Variants in WDPCP observed in about 807,000 individuals in gnomAD.
The protein encoded by WDPCP is WD repeat containing planar cell polarity effector, also known as WD repeat-containing and planar cell polarity effector protein fritz homolog.
A neutral mutation model predicts 93.1 loss-of-function variants in WDPCP; 71 were observed. The observed-to-expected ratio is 0.76, with a 90% CI of 0.63 to 0.93. The LOEUF (loss-of-function observed/expected upper bound fraction) is 0.93. WDPCP is among the 40% of genes least tolerant of loss of function. The pLI is 0.00. For missense variants in WDPCP, 844 were observed against 887.4 expected, an observed-to-expected ratio of 0.95 and a Z score of 0.62; for synonymous variants, 315 against 315.0, an observed-to-expected ratio of 1.00 and a Z score of 0.00.
At chr2:63,772,678 A>T (rs1302475527) in intron 2 of WDPCP, among the ~76,000 whole-genome samples, 3 of 152,100 alleles carry the variant, frequency 2.0e-5, no homozygotes, top group Admixed American at 2.0e-4. Flanking sequence ...AGAATAAAAG[A>T]TATCAACTAT....
At chr2:63,513,671 G>T (rs1012474335) in intron 1 of WDPCP, among the ~76,000 whole-genome samples, 14 of 152,058 alleles carry the variant, frequency 9.2e-5, no homozygotes, top group South Asian at 2.1e-4. Flanking sequence ...TTCCACAGGG[G>T]TCCTGCCCCA....
rs913054038 is a variant in WDPCP, at chr2:63,773,163, A to T, written n.308+40459T>A. Among the ~76,000 whole-genome samples the T allele has an allele frequency of 1.5e-4, 23 of 152,210 alleles. 1 individual carries two copies. Among genetic ancestry groups the T allele is most frequent in the African/African-American group, 5.5e-4 (23 of 41,562 alleles). On this transcript the variant is annotated intron_variant and non_coding_transcript_variant, in intron 2 of 4. Transcript: ENST00000467687. ...GACATTTACAGCAGCATTATTTATAATAGCCAGAAAACTGGGAATAATCCA... is the reference window on the plus strand; with the variant it reads ...GACATTTACAGCAGCATTATTTATATTAGCCAGAAAACTGGGAATAATCCA...
intron 2 of WDPCP, among the ~76,000 whole-genome samples, chr2:63,767,994 T>TAAC (rs75387989): frequency 2.0e-5 from 3 of 151,920 alleles, no homozygotes; most frequent in Admixed American, 6.6e-5. Flanking sequence ...CCTAGGAAAA[T>TAAC]AACAACAACA....
intron 17 of WDPCP, among the ~76,000 whole-genome samples, chr2:63,151,380 G>C (rs1671876740): frequency 6.6e-6 from 1 of 152,064 alleles, no homozygotes; most frequent in East Asian, 1.9e-4. Flanking sequence ...ACACGCCACT[G>C]TGCCTGGCTA....
chr2:63,144,259 T>TTTTTATTTTA (rs58606765), intron 17 of WDPCP, among the ~76,000 whole-genome samples: 1,754 of 147,958 alleles, frequency 0.012, 18 homozygotes, highest in African/African-American at 0.023. Flanking sequence ...GCATTTACCC[T>TTTTTATTTTA]TTTTATTTTA....
At chr2:63,189,577 G>C (rs1196522335) in intron 14 of WDPCP, among the ~76,000 whole-genome samples, 1 of 152,128 alleles carries the variant, frequency 6.6e-6, no homozygotes, top group Non-Finnish European at 1.5e-5. Context: ...GATCTACATA[G>C]ATATATATAT....
chr2:63,432,850 T>C (rs1696863692), intron 9 of WDPCP, among the ~76,000 whole-genome samples: 1 of 152,140 alleles, frequency 6.6e-6, no homozygotes, highest in Non-Finnish European at 1.5e-5. Context: ...ATAGGGTAGG[T>C]GATCTACTCA....
intron 1 of WDPCP, among the ~76,000 whole-genome samples, chr2:63,587,317 C>G (rs1464793360): frequency 6.6e-6 from 1 of 152,094 alleles, no homozygotes; most frequent in Non-Finnish European, 1.5e-5. Context: ...AATTTAGAAA[C>G]TCCGCAGAAC....
intron 1 of WDPCP, among the ~76,000 whole-genome samples, chr2:63,542,823 C>G (rs1197182503): frequency 6.6e-6 from 1 of 152,142 alleles, no homozygotes; most frequent in Non-Finnish European, 1.5e-5. Flanking sequence ...TGCACATATA[C>G]ATCTGTTTCA....
intron 2 of WDPCP, among the ~76,000 whole-genome samples, chr2:63,767,104 C>T (rs961988084): frequency 6.6e-6 from 1 of 152,132 alleles, no homozygotes; most frequent in Admixed American, 6.6e-5. Context: ...ATAATGTACA[C>T]TTTCTGTCAA....
At position 63,581,046 on chromosome 2, in the gene WDPCP, G is replaced by C. The variant is rs117108509; in HGVS notation, c.75+7151C>G. Among the ~76,000 whole-genome samples the C allele has an allele frequency of 7.0e-4, 106 of 152,228 alleles. 1 individual carries two copies. In the East Asian group the frequency reaches 0.019, roughly 27 times the overall value. On this transcript the variant is annotated intron_variant, in intron 1 of 17. Coordinates refer to ENST00000272321, the MANE Select transcript of WDPCP (RefSeq NM_015910.7). ...ATTCTTACAATTCTTCAGTAAATTTGAAATTATTTCAAAATAAAAGACTAA... is the reference window on the plus strand; with the variant it reads ...ATTCTTACAATTCTTCAGTAAATTTCAAATTATTTCAAAATAAAAGACTAA...
intron 13 of WDPCP, among the ~76,000 whole-genome samples, chr2:63,299,938 G>A (rs889441780): frequency 3.9e-5 from 6 of 152,058 alleles, no homozygotes; most frequent in Non-Finnish European, 5.9e-5. Flanking sequence ...TTAAGATGGC[G>A]GCTCCATCTT....
intron 2 of WDPCP, among the ~76,000 whole-genome samples, chr2:63,771,399 C>G (rs573010463): frequency 1.3e-5 from 2 of 151,690 alleles, no homozygotes; most frequent in Non-Finnish European, 2.9e-5. Context: ...TAATTTAAAA[C>G]CTTTCTCTGG....
At chr2:63,561,539 A>C (rs1308722079) in intron 1 of WDPCP, among the ~76,000 whole-genome samples, 1 of 152,116 alleles carries the variant, frequency 6.6e-6, no homozygotes, top group East Asian at 1.9e-4. Flanking sequence ...ATGGGATCTA[A>C]TGAAACTAAA....
In WDPCP at chr2:63,382,119, G is replaced by C. The variant is rs754281079; in HGVS notation, c.1436-25C>G. ...CCTATCACAAAACATGGAAAACCAG[G>C]TGAATCTTTTAAAATAAAATAGAAT... is the stretch of plus-strand genomic sequence containing the variant. On this transcript the variant is annotated intron_variant, in intron 10 of 17. Coordinates refer to ENST00000272321, the MANE Select transcript of WDPCP (RefSeq NM_015910.7). The C allele has an allele frequency of 1.2e-6, 2 of 1,602,988 alleles. No homozygotes were observed. The highest frequency in any genetic ancestry group is 1.7e-6 in the Non-Finnish European group (2 of 1,174,184).
At chr2:63,612,136 G>T (rs190987163) in intron 3 of WDPCP, among the ~76,000 whole-genome samples, 5 of 152,232 alleles carry the variant, frequency 3.3e-5, no homozygotes, top group South Asian at 2.1e-4. Context: ...TTTACTTCAC[G>T]TTTTTTGAAG....
intron 12 of WDPCP, among the ~76,000 whole-genome samples, chr2:63,354,000 A>G (rs1689823495): frequency 6.6e-6 from 1 of 151,910 alleles, no homozygotes. Context: ...CAAGTCAGCA[A>G]CTCCCTGAAC....
chr2:63,228,441 T>A (rs1407541532), intron 14 of WDPCP: 1 of 149,392 alleles, frequency 6.7e-6, no homozygotes, highest in African/African-American at 2.5e-5. Context: ...TTTTTTCAAA[T>A]TTTATTTTAC....
At chr2:63,323,225 C>T (rs1687263442) in intron 12 of WDPCP, among the ~76,000 whole-genome samples, 1 of 152,206 alleles carries the variant, frequency 6.6e-6, no homozygotes, top group Non-Finnish European at 1.5e-5. Context: ...CTAACGCCTG[C>T]CAGACAAACT....
Sources: gnomAD v4.1 joint callset for allele counts (sites outside exome capture counted in the v4.1 genomes callset) on GRCh38, gnomAD v4.1.1 for gene constraint, MANE v1.5 for transcripts, NCBI Gene and HGNC (gene_info 2026-07-23, HGNC 2026-07-21) for gene names.